PLA2G4C: variants seen among roughly 807,000 people sequenced by gnomAD.
PLA2G4C encodes the protein cytosolic phospholipase A2 gamma.
Under a neutral mutation model 73.8 loss-of-function variants are expected in PLA2G4C, and 64 were observed. That is an observed-to-expected ratio of 0.87 (90% CI 0.71 to 1.07). PLA2G4C has a LOEUF of 1.07. PLA2G4C is among the 50% of genes least tolerant of loss of function. The pLI is 0.00. For synonymous variants in PLA2G4C, 254 were observed against 252.1 expected, an observed-to-expected ratio of 1.01 and a Z score of -0.07; for missense variants, 622 against 665.4, an observed-to-expected ratio of 0.93 and a Z score of 0.72.
At position 48,062,062 on chromosome 19, in the gene PLA2G4C, A is replaced by G. The variant is rs1367335381; in HGVS notation, c.1193T>C (p.Leu398Pro). The change falls in exon 14 of 17, where the codon CTG becomes CCG. Residue 398 changes from leucine to proline, a missense_variant. Physicochemically the swap from Leu to Pro is moderately conservative, Grantham distance 98. Transcript: ENST00000599921. ...GAGGTGAACCTCCCGCGTCGGGGGCAGCACGAGTGGGAAGGGAGTGTTGAT... is the reference window on the plus strand; with the variant it reads ...GAGGTGAACCTCCCGCGTCGGGGGCGGCACGAGTGGGAAGGGAGTGTTGAT... ...LAINTPFPLV[L>P]PPTREVHLIL... is the part of the protein sequence containing the mutation. The G allele has an allele frequency of 1.1e-5, 18 of 1,613,938 alleles. No homozygotes were observed. Among genetic ancestry groups the G allele is most frequent in the Non-Finnish European group, 1.5e-5 (18 of 1,179,914 alleles).
chr19:48,106,321 G>C (rs182145992), intron 2 of PLA2G4C, among the ~76,000 whole-genome samples: 72 of 152,152 alleles, frequency 4.7e-4, no homozygotes, highest in African/African-American at 1.2e-3. Context: ...TCGAACTCTG[G>C]GGCTCAAGAG....
intron 11 of PLA2G4C, 147 bp from the exon 12 acceptor site, chr19:48,075,021 C>A: frequency 1.8e-6 from 1 of 553,096 alleles, no homozygotes. Flanking sequence ...CTCCCCTTGC[C>A]TTCTGCTGAC....
At chr19:48,081,138 T>G (rs1259205658) in intron 10 of PLA2G4C, among the ~76,000 whole-genome samples, 3 of 150,398 alleles carry the variant, frequency 2.0e-5, no homozygotes, top group African/African-American at 7.3e-5. Flanking sequence ...GCACTCCAGC[T>G]TGGGTGACAG....
chr19:48,061,550 A>C (rs777737916), intron 14 of PLA2G4C: 81 of 178,176 alleles, frequency 4.5e-4, no homozygotes, highest in Admixed American at 1.5e-3. Flanking sequence ...TGCAATATGT[A>C]CTAAGACAAA....
At chr19:48,097,937 C>T in intron 6 of PLA2G4C, 1 of 483,052 alleles carries the variant, frequency 2.1e-6, no homozygotes, top group Non-Finnish European at 3.6e-6. Context: ...TTTTCTTGAT[C>T]CATGCAAAGC....
At chr19:48,091,483 C>T (rs113780869) in intron 7 of PLA2G4C, among the ~76,000 whole-genome samples, 2 of 152,100 alleles carry the variant, frequency 1.3e-5, no homozygotes, top group African/African-American at 4.8e-5. Flanking sequence ...TCACGGTGCT[C>T]AGTCTGTCTT....
intron 8 of PLA2G4C, among the ~76,000 whole-genome samples, chr19:48,089,538 A>T (rs2031176521): frequency 6.6e-6 from 1 of 152,188 alleles, no homozygotes; most frequent in Non-Finnish European, 1.5e-5. Flanking sequence ...CTCAGTAATG[A>T]TCCTAAAAAT....
chr19:48,089,790 A>G (rs1253383652), intron 8 of PLA2G4C, among the ~76,000 whole-genome samples: 1 of 152,076 alleles, frequency 6.6e-6, no homozygotes, highest in Non-Finnish European at 1.5e-5. Context: ...GAACCACCAC[A>G]CTATTCCCCT....
At chr19:48,105,519 A>C in intron 2 of PLA2G4C, 75 bp from the exon 3 acceptor site, 1 of 1,184,516 alleles carries the variant, frequency 8.4e-7, no homozygotes, top group Non-Finnish European at 1.2e-6. Context: ...TTGACCTAGA[A>C]CTGGGCTGTC....
intron 7 of PLA2G4C, among the ~76,000 whole-genome samples, chr19:48,094,885 T>G (rs1397759216): frequency 2.6e-5 from 4 of 152,066 alleles, no homozygotes; most frequent in Non-Finnish European, 5.9e-5. Flanking sequence ...TTTGTTTGTT[T>G]GTTTGTTTGT....
At chr19:48,106,395 C>T (rs1408112316) in intron 2 of PLA2G4C, 127 bp downstream of exon 2, 7 of 784,762 alleles carry the variant, frequency 8.9e-6, no homozygotes, top group Non-Finnish European at 1.5e-5. Context: ...GCCCAACCTT[C>T]AGCTCTTTCC....
Position 48,062,175 on chromosome 19 carries a change from G to A in PLA2G4C, c.1103-23C>T, listed in dbSNP as rs143745881. On this transcript the variant is annotated intron_variant, in intron 13 of 16. Coordinates refer to ENST00000599921, the MANE Select transcript of PLA2G4C (RefSeq NM_003706.3). ...CACCTGTGGTGCCCAGGAAGAAAGA[G>A]GATCAGCTGCTTCTGGGGACTGAAA... 799 of 1,526,804 alleles carry A rather than the reference G, an allele frequency of 5.2e-4. 8 individuals are homozygous for A. The African/African-American group carries it at 9.3e-3, about 18-fold the overall frequency. 94.6% of individuals were successfully genotyped at this position (1,526,804 alleles called of 1,614,324 possible).
chr19:48,054,083 A>G (rs991773175), intron 15 of PLA2G4C, among the ~76,000 whole-genome samples: 1 of 152,126 alleles, frequency 6.6e-6, no homozygotes, highest in Non-Finnish European at 1.5e-5. Context: ...TCACTCAACC[A>G]TCAGATGTTG....
At chr19:48,095,683 T>C in intron 6 of PLA2G4C, 79 bp from the exon 7 acceptor site, 1 of 1,405,448 alleles carries the variant, frequency 7.1e-7, no homozygotes, top group South Asian at 1.2e-5. Context: ...AAGAAATCTA[T>C]TAATGAGGAA....
intron 7 of PLA2G4C, 179 bp from the exon 8 acceptor site, chr19:48,090,596 G>A (rs150812252): frequency 2.7e-4 from 164 of 617,064 alleles, no homozygotes; most frequent in African/African-American, 2.2e-3. Flanking sequence ...CACTCTTCTG[G>A]CTGTTGGAAT....
At chr19:48,050,533 G>A (rs962407224) in intron 16 of PLA2G4C, among the ~76,000 whole-genome samples, 2 of 152,032 alleles carry the variant, frequency 1.3e-5, no homozygotes, top group Non-Finnish European at 2.9e-5. Context: ...CTTAACAGCA[G>A]CTTCCCACCA....
chr19:48,098,472 C>T (rs936803547), intron 5 of PLA2G4C, among the ~76,000 whole-genome samples: 10 of 151,712 alleles, frequency 6.6e-5, no homozygotes, highest in African/African-American at 2.4e-4. Flanking sequence ...ACTACAGATG[C>T]ATGTCACCAT....
chr19:48,085,549 C>G (rs141355041), intron 9 of PLA2G4C, among the ~76,000 whole-genome samples: 77 of 152,298 alleles, frequency 5.1e-4, no homozygotes, highest in African/African-American at 1.8e-3. Context: ...AAGAGCAGGA[C>G]AGCAAACATG....
chr19:48,079,942 T>C (rs112021482), intron 10 of PLA2G4C, among the ~76,000 whole-genome samples: 3,086 of 152,242 alleles, frequency 0.02, 104 homozygotes, highest in African/African-American at 0.069. Context: ...GCCTGGGTGA[T>C]GGAGTGAGAC....
Sources: gnomAD v4.1 joint callset for allele counts (sites outside exome capture counted in the v4.1 genomes callset) on GRCh38, gnomAD v4.1.1 for gene constraint, MANE v1.5 for transcripts, NCBI Gene and HGNC (gene_info 2026-07-23, HGNC 2026-07-21) for gene names.